Variants in BBOX1 observed in about 807,000 individuals in gnomAD.
The protein encoded by BBOX1 is gamma-butyrobetaine hydroxylase 1.
A neutral mutation model predicts 41.6 loss-of-function variants in BBOX1; 35 were observed. The ratio of observed to expected loss-of-function variants is 0.84; its 90% CI spans 0.64 to 1.11. The LOEUF is 1.11. Among genes scored for constraint, BBOX1 ranks in the 50% most tolerant of loss-of-function variants. BBOX1 has a pLI of 0.00. For missense variants in BBOX1, 458 were observed against 460.6 expected, an observed-to-expected ratio of 0.99 and a Z score of 0.05; for synonymous variants, 163 against 154.7, an observed-to-expected ratio of 1.05 and a Z score of -0.40.
At chr11:27,048,686 T>G (rs1851568855) in intron 2 of BBOX1, among the ~76,000 whole-genome samples, 1 of 151,922 alleles carries the variant, frequency 6.6e-6, no homozygotes, top group Non-Finnish European at 1.5e-5. Flanking sequence ...AATATCTCAT[T>G]GACATACTGA....
At chr11:27,054,205 C>CTCTG (rs140650326) in intron 2 of BBOX1, among the ~76,000 whole-genome samples, 3 of 139,488 alleles carry the variant, frequency 2.2e-5, no homozygotes, top group Non-Finnish European at 3.2e-5. Context: ...GTGTGTGTGT[C>CTCTG]TGTGTGTGTG....
intron 4 of BBOX1, among the ~76,000 whole-genome samples, chr11:27,089,336 T>A (rs1858155928): frequency 6.6e-6 from 1 of 151,958 alleles, no homozygotes; most frequent in Non-Finnish European, 1.5e-5. Context: ...TATTGGACAG[T>A]ACTATAGTCT....
At chr11:27,087,791 A>T (rs1048300192) in intron 4 of BBOX1, among the ~76,000 whole-genome samples, 3 of 152,072 alleles carry the variant, frequency 2.0e-5, no homozygotes, top group African/African-American at 7.2e-5. Context: ...TATGGCCCTT[A>T]GTCTCTGATT....
chr11:27,064,132 G>A (rs1329048260), intron 4 of BBOX1, among the ~76,000 whole-genome samples: 2 of 152,016 alleles, frequency 1.3e-5, no homozygotes, highest in Non-Finnish European at 2.9e-5. Flanking sequence ...TGCAAATCAG[G>A]GATGGGGTAA....
chr11:27,109,562 A>G (rs1353316215), intron 5 of BBOX1, among the ~76,000 whole-genome samples: 1 of 152,024 alleles, frequency 6.6e-6, no homozygotes, highest in Non-Finnish European at 1.5e-5. Flanking sequence ...AACTGACAGA[A>G]AAAAGAAACC....
chr11:27,072,606 T>C (rs1329377444), intron 4 of BBOX1, among the ~76,000 whole-genome samples: 1 of 152,160 alleles, frequency 6.6e-6, no homozygotes, highest in Non-Finnish European at 1.5e-5. Flanking sequence ...AGAGCCCACA[T>C]TGCCAAGTCA....
intron 4 of BBOX1, among the ~76,000 whole-genome samples, chr11:27,091,815 T>C (rs1405943736): frequency 6.6e-6 from 1 of 151,928 alleles, no homozygotes; most frequent in Non-Finnish European, 1.5e-5. Context: ...AATATTAGCA[T>C]AGTAAAAAAT....
intron 5 of BBOX1, 145 bp downstream of exon 5, chr11:27,093,511 AG>A (rs750622243): frequency 4.8e-5 from 44 of 917,888 alleles, no homozygotes; most frequent in Non-Finnish European, 6.9e-5. Context: ...GTCTAAAAGT[AG>A]TATTTTGCTG....
At chr11:27,109,388 G>T (rs1349946206) in intron 5 of BBOX1, among the ~76,000 whole-genome samples, 2 of 152,004 alleles carry the variant, frequency 1.3e-5, no homozygotes, top group Non-Finnish European at 2.9e-5. Flanking sequence ...ATAATAGACA[G>T]ATTGTCCAAG....
chr11:27,055,475 T>C lies in BBOX1; in HGVS notation c.45T>C (p.His15=). ...IQKAEALDGA[H]LMQILWYDEE... Reference sequence around the variant, plus strand: ...AGGCAGAAGCACTTGACGGGGCTCATTTGATGCAGATCCTCTGGTATGATG... The same window carrying C: ...AGGCAGAAGCACTTGACGGGGCTCACTTGATGCAGATCCTCTGGTATGATG... Residue 15 remains histidine (H), a synonymous_variant, in exon 3 of 9, where the codon CAT becomes CAC. Transcript: ENST00000263182. 1.9e-6 allele frequency: 3 copies of C among 1,614,124 alleles called. No homozygotes were observed. The highest frequency in any genetic ancestry group is 2.5e-6 in the Non-Finnish European group (3 of 1,180,024).
chr11:27,110,587 C>CA (rs1564985646), intron 5 of BBOX1, among the ~76,000 whole-genome samples: 1 of 151,954 alleles, frequency 6.6e-6, no homozygotes, highest in African/African-American at 2.4e-5. Flanking sequence ...TCACATTTCT[C>CA]CTTCCCTTAT....
intron 4 of BBOX1, among the ~76,000 whole-genome samples, chr11:27,090,738 C>T (rs1286620159): frequency 1.3e-5 from 2 of 151,800 alleles, no homozygotes; most frequent in African/African-American, 4.8e-5. Context: ...CTTCAGGAGA[C>T]CAGGGCATAT....
chr11:27,127,485 A>T lies in BBOX1; in HGVS notation c.*32A>T, dbSNP rs1157559457. On this transcript the variant is annotated 3_prime_UTR_variant, in exon 9 of 9. Coordinates refer to ENST00000263182, the MANE Select transcript of BBOX1 (RefSeq NM_003986.3). ...CTGTAGATAATTTTAATAAGATTCC[A>T]ATGACCATATTTTGTGAGATATGGC... 2 of 1,579,232 alleles carry T rather than the reference A, an allele frequency of 1.3e-6. No individual in the cohort carries two copies. Among genetic ancestry groups the T allele is most frequent in the Non-Finnish European group, 1.7e-6 (2 of 1,167,100 alleles).
intron 5 of BBOX1, among the ~76,000 whole-genome samples, chr11:27,107,364 G>A (rs1310967394): frequency 6.6e-6 from 1 of 152,032 alleles, no homozygotes; most frequent in Non-Finnish European, 1.5e-5. Context: ...AAGAAGAAAT[G>A]TTGAGAATGA....
At chr11:27,076,713 CG>C (rs1388343883) in intron 4 of BBOX1, among the ~76,000 whole-genome samples, 2 of 152,120 alleles carry the variant, frequency 1.3e-5, no homozygotes, top group Non-Finnish European at 2.9e-5. Context: ...CAGACAGGGC[CG>C]CACTCTGGCT....
chr11:27,054,469 G>A (rs1194834752), intron 2 of BBOX1, among the ~76,000 whole-genome samples: 1 of 152,074 alleles, frequency 6.6e-6, no homozygotes, highest in African/African-American at 2.4e-5. Context: ...GTAAAACATT[G>A]GCATGGTTTC....
chr11:27,124,242 T>C (rs1859566284), intron 7 of BBOX1, among the ~76,000 whole-genome samples: 1 of 152,208 alleles, frequency 6.6e-6, no homozygotes, highest in Admixed American at 6.5e-5. Flanking sequence ...TCATTAGCAC[T>C]TCCTGCACTT....
chr11:27,067,034 G>A (rs1203738789), intron 4 of BBOX1, among the ~76,000 whole-genome samples: 1 of 152,030 alleles, frequency 6.6e-6, no homozygotes, highest in Non-Finnish European at 1.5e-5. Flanking sequence ...ATCCTTATCT[G>A]CACAACAGAT....
intron 2 of BBOX1, among the ~76,000 whole-genome samples, chr11:27,044,510 T>C (rs370384893): frequency 1.1e-4 from 17 of 152,298 alleles, no homozygotes; most frequent in African/African-American, 3.8e-4. Flanking sequence ...TCTTTGCCCA[T>C]GCTTATGTCC....
Sources: allele counts gnomAD v4.1 joint callset (sites outside exome capture counted in the v4.1 genomes callset), GRCh38; gene constraint gnomAD v4.1.1; transcripts MANE v1.5; gene names NCBI Gene and HGNC (gene_info 2026-07-23, HGNC 2026-07-21).